SLC4A10: variants seen among roughly 807,000 people sequenced by gnomAD.
SLC4A10 encodes the protein solute carrier family 4 member 10, also known as sodium-driven chloride bicarbonate exchanger.
Under a neutral mutation model 137.7 loss-of-function variants are expected in SLC4A10, and 42 were observed. The ratio of observed to expected loss-of-function variants is 0.30; its 90% CI spans 0.24 to 0.39. The LOEUF (loss-of-function observed/expected upper bound fraction) is 0.39, where lower values mean the gene tolerates loss of function less well. Ranked by LOEUF, SLC4A10 falls within the 10% of genes least tolerant of loss-of-function variation. The pLI is 1.00. For missense variants in SLC4A10, 925 were observed against 1,355.0 expected (o/e 0.68, Z 4.98); for synonymous variants, 474 against 464.1 (o/e 1.02, Z -0.27).
intron 10 of SLC4A10, among the ~76,000 whole-genome samples, chr2:161,886,729 CA>C (rs1452491237): frequency 6.6e-6 from 1 of 151,776 alleles, no homozygotes; most frequent in African/African-American, 2.4e-5. Flanking sequence ...AGGGTACAAT[CA>C]GGAAGAAAAA....
chr2:161,845,610 T>C (rs2059442260), intron 4 of SLC4A10, among the ~76,000 whole-genome samples: 1 of 152,146 alleles, frequency 6.6e-6, no homozygotes, highest in Non-Finnish European at 1.5e-5. Flanking sequence ...AATAATTGGA[T>C]TTTTTAAAAT....
At chr2:161,806,627 C>T (rs915491635) in intron 3 of SLC4A10, among the ~76,000 whole-genome samples, 1 of 152,164 alleles carries the variant, frequency 6.6e-6, no homozygotes, top group Non-Finnish European at 1.5e-5. Flanking sequence ...TAAAACATAA[C>T]AAGAGTCACC....
chr2:161,962,804 C>G (rs1410592193), intron 21 of SLC4A10, among the ~76,000 whole-genome samples: 2 of 151,982 alleles, frequency 1.3e-5, no homozygotes, highest in South Asian at 2.1e-4. Context: ...GTTTGAGATT[C>G]CTATTATGTA....
chr2:161,650,017 C>T (rs1245197516), intron 1 of SLC4A10, among the ~76,000 whole-genome samples: 1 of 152,208 alleles, frequency 6.6e-6, no homozygotes, highest in Admixed American at 6.5e-5. Context: ...TGGTGTATTA[C>T]TTTCAACTAA....
At chr2:161,954,166 T>C (rs186402827) in intron 19 of SLC4A10, among the ~76,000 whole-genome samples, 2 of 152,356 alleles carry the variant, frequency 1.3e-5, no homozygotes, top group East Asian at 3.9e-4. Flanking sequence ...TTGATGATTA[T>C]GGCATTTGAT....
intron 1 of SLC4A10, among the ~76,000 whole-genome samples, chr2:161,638,639 T>A (rs1042608239): frequency 1.3e-5 from 2 of 152,066 alleles, no homozygotes; most frequent in Admixed American, 1.3e-4. Flanking sequence ...AATTTAAGAT[T>A]TTTTCTGTTT....
intron 1 of SLC4A10, among the ~76,000 whole-genome samples, chr2:161,710,404 G>A (rs1308435914): frequency 6.6e-6 from 1 of 151,700 alleles, no homozygotes; most frequent in African/African-American, 2.4e-5. Context: ...GAACCAAACT[G>A]TAAAGATTTT....
Position 161,963,320 on chromosome 2 carries a change from A to G in SLC4A10, c.2863-815A>G, listed in dbSNP as rs567151735. Among the ~76,000 whole-genome samples, 64 of 152,302 alleles carry G rather than the reference A, an allele frequency of 4.2e-4. 1 individual carries two copies. The highest frequency in any genetic ancestry group is 1.2e-3 in the South Asian group (6 of 4,834). On this transcript the variant is annotated intron_variant, in intron 21 of 26. Transcript: ENST00000446997. ...ATAGTGTTATGTAATACTATGTACT[A>G]TCTTTATGGCAAGATTGAAACAAAT...
intron 2 of SLC4A10, among the ~76,000 whole-genome samples, chr2:161,789,556 G>A (rs1157269895): frequency 6.6e-6 from 1 of 151,690 alleles, no homozygotes; most frequent in Non-Finnish European, 1.5e-5. Flanking sequence ...AAAAATAAAA[G>A]TAATTGCACT....
At chr2:161,960,363 CAAAAAA>C (rs369670130) in intron 21 of SLC4A10, among the ~76,000 whole-genome samples, 1 of 46,034 alleles carries the variant, frequency 2.2e-5, no homozygotes, top group African/African-American at 7.4e-5. Context: ...GACTCTGTCT[CAAAAAA>C]AAAAAAAAAA....
intron 1 of SLC4A10, among the ~76,000 whole-genome samples, chr2:161,733,024 C>G (rs2046968435): frequency 6.6e-6 from 1 of 152,176 alleles, no homozygotes; most frequent in South Asian, 2.1e-4. Flanking sequence ...TGAAAGCATT[C>G]AGTTTTAAAA....
intron 15 of SLC4A10, among the ~76,000 whole-genome samples, chr2:161,938,362 G>A (rs1385759762): frequency 1.3e-5 from 2 of 152,080 alleles, no homozygotes; most frequent in Non-Finnish European, 2.9e-5. Context: ...CCTATTGCCT[G>A]GGATCAGTTC....
intron 1 of SLC4A10, among the ~76,000 whole-genome samples, chr2:161,695,645 G>A (rs956692027): frequency 3.3e-5 from 5 of 151,984 alleles, no homozygotes; most frequent in Non-Finnish European, 5.9e-5. Flanking sequence ...TATAATGATC[G>A]TTGCACTTAT....
chr2:161,650,260 A>G (rs1453241072), intron 1 of SLC4A10, among the ~76,000 whole-genome samples: 1 of 152,252 alleles, frequency 6.6e-6, no homozygotes, highest in Non-Finnish European at 1.5e-5. Flanking sequence ...TTTCTGCATG[A>G]TTAGACTGGG....
intron 2 of SLC4A10, among the ~76,000 whole-genome samples, chr2:161,788,274 T>C (rs1268058334): frequency 6.6e-6 from 1 of 152,134 alleles, no homozygotes; most frequent in Non-Finnish European, 1.5e-5. Flanking sequence ...ATTTTCTGTG[T>C]GACTAGGAGA....
intron 23 of SLC4A10, among the ~76,000 whole-genome samples, chr2:161,967,052 G>A (rs1697731511): frequency 6.6e-6 from 1 of 152,072 alleles, no homozygotes; most frequent in Admixed American, 6.6e-5. Context: ...CAGTACAGCA[G>A]ACCCTTGAAT....
chr2:161,666,279 G>A lies in SLC4A10; in HGVS notation c.48+41713G>A, dbSNP rs186328046. ...TATTGTACCAAATAAAATTTTAGAAGCTTTGAAATGATACTCTTTGTTAGA... is the reference window on the plus strand; with the variant it reads ...TATTGTACCAAATAAAATTTTAGAAACTTTGAAATGATACTCTTTGTTAGA... On this transcript the variant is annotated intron_variant, in intron 1 of 26. Coordinates refer to ENST00000446997, the MANE Select transcript of SLC4A10 (RefSeq NM_001178015.2). Among the ~76,000 whole-genome samples the A allele has an allele frequency of 2.6e-3, 397 of 151,668 alleles. 1 individual carries two copies. The highest frequency in any genetic ancestry group is 9.0e-3 in the African/African-American group (372 of 41,500).
chr2:161,802,627 A>G (rs1293746438), intron 2 of SLC4A10, among the ~76,000 whole-genome samples: 1 of 152,138 alleles, frequency 6.6e-6, no homozygotes, highest in Non-Finnish European at 1.5e-5. Context: ...CCAGAAAAAA[A>G]TACCACAGGC....
intron 24 of SLC4A10, among the ~76,000 whole-genome samples, chr2:161,975,219 C>T: frequency 6.6e-6 from 1 of 152,158 alleles, no homozygotes; most frequent in East Asian, 1.9e-4. Context: ...TTTTTTACAA[C>T]ATTTAAATTT....
Sources: allele counts gnomAD v4.1 joint callset (sites outside exome capture counted in the v4.1 genomes callset), GRCh38; gene constraint gnomAD v4.1.1; transcripts MANE v1.5; gene names NCBI Gene and HGNC (gene_info 2026-07-23, HGNC 2026-07-21).